The following ARAP2 variants were observed in gnomAD, a reference collection of about 807,000 sequenced individuals.
The protein encoded by ARAP2 is arf-GAP with Rho-GAP domain, ANK repeat and PH domain-containing protein 2.
Under a neutral mutation model 194.5 loss-of-function variants are expected in ARAP2, and 148 were observed. The observed-to-expected ratio is 0.76, with a 90% CI of 0.67 to 0.87. ARAP2 has a LOEUF of 0.87. Ranked by LOEUF, ARAP2 falls within the 40% of genes least tolerant of loss-of-function variation. The pLI is 0.00. For synonymous variants in ARAP2, 695 were observed against 683.5 expected (o/e 1.02, Z -0.26); for missense variants, 2,128 against 1,989.7 (o/e 1.07, Z -1.32).
intron 5 of ARAP2, among the ~76,000 whole-genome samples, chr4:36,039,668 C>T (rs1378161926): frequency 1.3e-5 from 2 of 152,166 alleles, no homozygotes; most frequent in East Asian, 1.9e-4. Flanking sequence ...CCCATTAAAA[C>T]GATCTCCTGT....
chr4:36,054,335 T>G (rs1163510281), intron 2 of ARAP2, among the ~76,000 whole-genome samples: 9 of 152,228 alleles, frequency 5.9e-5, no homozygotes, highest in African/African-American at 2.2e-4. Context: ...TACTAATCTA[T>G]TGCTCAATTA....
At chr4:36,082,985 G>A (rs1473809692) in intron 29 of ARAP2, among the ~76,000 whole-genome samples, 1 of 152,118 alleles carries the variant, frequency 6.6e-6, no homozygotes, top group Non-Finnish European at 1.5e-5. Context: ...CAGGAAGCTG[G>A]AGGGCAGCAT....
At chr4:36,095,812 A>G (rs1424066116) in intron 27 of ARAP2, among the ~76,000 whole-genome samples, 1 of 152,126 alleles carries the variant, frequency 6.6e-6, no homozygotes, top group African/African-American at 2.4e-5. Flanking sequence ...AGAACAATAA[A>G]AAGAAAGAGA....
At chr4:36,059,482 C>T (rs140401372) in intron 1 of ARAP2, among the ~76,000 whole-genome samples, 2 of 151,998 alleles carry the variant, frequency 1.3e-5, no homozygotes, top group African/African-American at 2.4e-5. Flanking sequence ...GAGTCCCGGA[C>T]AAGGAAAGGC....
At chr4:36,136,932 GCA>G (rs10551786) in intron 19 of ARAP2, among the ~76,000 whole-genome samples, 62,843 of 149,222 alleles carry the variant, frequency 0.42, 13,491 homozygotes, top group Middle Eastern at 0.47. Flanking sequence ...ACGCGCGCGC[GCA>G]CACACACACA....
chr4:36,074,311 GA>G (rs1727735058), intron 31 of ARAP2, among the ~76,000 whole-genome samples: 1 of 151,970 alleles, frequency 6.6e-6, no homozygotes, highest in South Asian at 2.1e-4. Flanking sequence ...TTATCTAATT[GA>G]ATTCCAAAGA....
chr4:36,198,422 C>T (rs1031793086), intron 6 of ARAP2, among the ~76,000 whole-genome samples: 4 of 152,238 alleles, frequency 2.6e-5, no homozygotes, highest in African/African-American at 9.6e-5. Flanking sequence ...CCCTCCCTGG[C>T]CTGAAGGTGG....
At chr4:36,242,452 T>A (rs1395878410) in intron 1 of ARAP2, among the ~76,000 whole-genome samples, 1 of 152,086 alleles carries the variant, frequency 6.6e-6, no homozygotes, top group Non-Finnish European at 1.5e-5. Context: ...GGTTAGAAAG[T>A]AACAAAACGA....
chr4:36,070,548 TATC>T (rs1726599046), intron 32 of ARAP2, among the ~76,000 whole-genome samples: 1 of 152,176 alleles, frequency 6.6e-6, no homozygotes, highest in Admixed American at 6.5e-5. Context: ...AGGTTTTACT[TATC>T]ATAGCTAGAG....
intron 1 of ARAP2, among the ~76,000 whole-genome samples, chr4:36,237,800 C>T (rs545302186): frequency 6.6e-6 from 1 of 152,216 alleles, no homozygotes; most frequent in Admixed American, 6.5e-5. Flanking sequence ...TGGTACAAAA[C>T]ACAGAAATAG....
At chr4:36,203,301 C>T (rs945654826) in intron 6 of ARAP2, among the ~76,000 whole-genome samples, 2 of 151,946 alleles carry the variant, frequency 1.3e-5, no homozygotes, top group Non-Finnish European at 2.9e-5. Flanking sequence ...AAACTGGTTA[C>T]CAGGCCTGGC....
At chr4:36,184,143 C>A (rs1739944141) in intron 8 of ARAP2, among the ~76,000 whole-genome samples, 1 of 152,048 alleles carries the variant, frequency 6.6e-6, no homozygotes, top group African/African-American at 2.4e-5. Flanking sequence ...TAGAAGGAAA[C>A]TTTATCAAGT....
intron 32 of ARAP2, among the ~76,000 whole-genome samples, chr4:36,069,309 AT>A (rs1332408546): frequency 6.6e-6 from 1 of 152,074 alleles, no homozygotes; most frequent in Non-Finnish European, 1.5e-5. Context: ...AGCTATATAC[AT>A]TTTTCCTACT....
At chr4:36,037,748 T>C (rs1265769168) in intron 5 of ARAP2, among the ~76,000 whole-genome samples, 2 of 152,106 alleles carry the variant, frequency 1.3e-5, no homozygotes, top group Non-Finnish European at 2.9e-5. Flanking sequence ...CAATCCCTCA[T>C]TCAAAAAAAA....
chr4:36,008,364 A>G (rs965718360), intron 9 of ARAP2, among the ~76,000 whole-genome samples: 2 of 152,128 alleles, frequency 1.3e-5, no homozygotes, highest in Non-Finnish European at 2.9e-5. Flanking sequence ...AAAGAAAAGA[A>G]TAGAGAACCC....
rs758690022 is a variant in ARAP2 at position 36,107,678 on chromosome 4, T to C, written c.4172A>G (p.Tyr1391Cys). Residue 1391 changes from tyrosine (Y) to cysteine (C), a missense_variant, in exon 27 of 33, where the codon TAC becomes TGC. By Grantham distance (194) the Tyr-to-Cys change is radical (BLOSUM62 -2). Transcript: ENST00000303965. ...ENEELERPLH[Y>C]KENVLEQVLR... Reference sequence around the variant, plus strand: ...CACCTGCTCCAGTACATTTTCCTTGTAGTGAAGAGGACGCTCTGTAAAAAA... The same window carrying C: ...CACCTGCTCCAGTACATTTTCCTTGCAGTGAAGAGGACGCTCTGTAAAAAA... The C allele has an allele frequency of 6.2e-7, 1 of 1,608,158 alleles. No individual in the cohort carries two copies. The highest frequency in any genetic ancestry group is 8.5e-7 in the Non-Finnish European group (1 of 1,176,678).
chr4:36,161,736 C>G (rs963683219), intron 11 of ARAP2, among the ~76,000 whole-genome samples, 186 bp from the exon 12 acceptor site: 2 of 133,798 alleles, frequency 1.5e-5, no homozygotes, highest in Admixed American at 8.4e-5. Flanking sequence ...GAGAATTAGA[C>G]AAATCGCAGC....
At chr4:36,085,005 C>T (rs1730483088) in intron 28 of ARAP2, among the ~76,000 whole-genome samples, 1 of 151,958 alleles carries the variant, frequency 6.6e-6, no homozygotes, top group African/African-American at 2.4e-5. Flanking sequence ...ATCAAAAACA[C>T]TAAGGTAATA....
chr4:36,168,099 C>G (rs1216185715), intron 9 of ARAP2, among the ~76,000 whole-genome samples: 3 of 151,976 alleles, frequency 2.0e-5, no homozygotes, highest in Non-Finnish European at 4.4e-5. Context: ...TTCTCTTTGT[C>G]TCTCCTGCTA....
Sources: allele counts gnomAD v4.1 joint callset (sites outside exome capture counted in the v4.1 genomes callset), GRCh38; gene constraint gnomAD v4.1.1; transcripts MANE v1.5; gene names NCBI Gene and HGNC (gene_info 2026-07-23, HGNC 2026-07-21).